MEP1A: variants seen among roughly 807,000 people sequenced by gnomAD.
The protein encoded by MEP1A is meprin A subunit alpha, also known as N-benzoyl-L-tyrosyl-P-amino-benzoic acid hydrolase subunit alpha.
MEP1A carries 68 observed loss-of-function variants against 84.5 expected under a neutral mutation model. The ratio of observed to expected loss-of-function variants is 0.80; its 90% CI spans 0.66 to 0.98. The LOEUF is 0.98. MEP1A is among the 50% of genes least tolerant of loss of function. The pLI is 0.00. For synonymous variants in MEP1A, 337 were observed against 336.8 expected (o/e 1.00, Z -0.01); for missense variants, 887 against 919.9 (o/e 0.96, Z 0.46).
chr6:46,793,612 G>T, intron 2 of MEP1A, 36 bp downstream of exon 2: 1 of 1,573,952 alleles, frequency 6.4e-7, no homozygotes, highest in South Asian at 1.2e-5. Context: ...GAGTGTTTTT[G>T]AACTTTTTTC....
intron 12 of MEP1A, 30 bp from the exon 13 acceptor site, chr6:46,835,219 A>C (rs1291915354): frequency 1.3e-6 from 2 of 1,541,460 alleles, no homozygotes; most frequent in Admixed American, 2.2e-5. Context: ...CTAATCCTGG[A>C]TCTTCCTCAT....
At chr6:46,795,695 C>A (rs142483586) in intron 3 of MEP1A, among the ~76,000 whole-genome samples, 1,874 of 152,292 alleles carry the variant, frequency 0.012, 42 homozygotes, top group African/African-American at 0.042. Flanking sequence ...GGTCCTTTGA[C>A]AGGCCTCATA....
Position 46,826,606 on chromosome 6 carries a change from CT to C in MEP1A, c.928+105del, listed in dbSNP as rs1767954431. The C allele has an allele frequency of 6.8e-6, 7 of 1,035,016 alleles. No individual in the cohort carries two copies. The South Asian group carries it at 2.3e-4, about 34-fold the overall frequency. The allele number at this position is 1,035,016 out of a possible 1,614,324, so 64.1% of individuals were successfully genotyped here. On this transcript the variant is annotated intron_variant, in intron 9 of 13. Coordinates refer to ENST00000230588, the MANE Select transcript of MEP1A (RefSeq NM_005588.3). ...CTCAGTCAGAATGTTAGTTATCAAA[CT>C]TGAAAATCTGAACAAGGACAAAAAA... is the stretch of plus-strand genomic sequence containing the variant.
chr6:46,812,718 G>A (rs1391146206), intron 6 of MEP1A, among the ~76,000 whole-genome samples: 2 of 151,928 alleles, frequency 1.3e-5, no homozygotes, highest in South Asian at 4.2e-4. Flanking sequence ...TGATTTCATT[G>A]TTGACCCAGT....
intron 6 of MEP1A, 28 bp from the exon 7 acceptor site, chr6:46,819,501 G>T (rs1273706050): frequency 6.4e-7 from 1 of 1,555,048 alleles, no homozygotes; most frequent in Non-Finnish European, 8.7e-7. Flanking sequence ...TTCTCTAGAA[G>T]AAATTTTTCC....
At chr6:46,806,589 A>T (rs1018282642) in intron 5 of MEP1A, among the ~76,000 whole-genome samples, 1 of 152,042 alleles carries the variant, frequency 6.6e-6, no homozygotes, top group African/African-American at 2.4e-5. Context: ...CAGGTTGCTC[A>T]GCCTTCCAAT....
In MEP1A at chr6:46,803,828, A is replaced by G. The variant is rs116171648; in HGVS notation, c.262+4647A>G. On this transcript the variant is annotated intron_variant, in intron 5 of 13. Coordinates refer to ENST00000230588, the MANE Select transcript of MEP1A (RefSeq NM_005588.3). Reference sequence around the variant, plus strand: ...AATTTAGTTTATTAATAGATACTTCATAATTTATCTTGTGAATATTTTCAT... The same window carrying G: ...AATTTAGTTTATTAATAGATACTTCGTAATTTATCTTGTGAATATTTTCAT... Among the ~76,000 whole-genome samples, 1,337 of 151,742 alleles carry G rather than the reference A, an allele frequency of 8.8e-3. 21 individuals carry two copies. The highest frequency in any genetic ancestry group is 0.031 in the African/African-American group (1,270 of 41,530).
At chr6:46,799,325 A>T (rs756411794) in intron 5 of MEP1A, 144 bp downstream of exon 5, 40 of 628,868 alleles carry the variant, frequency 6.4e-5, no homozygotes, top group Middle Eastern at 3.9e-4. Flanking sequence ...ATGGGGAGAA[A>T]GACATAACAT....
chr6:46,796,277 C>T (rs946749030), intron 3 of MEP1A, among the ~76,000 whole-genome samples: 2 of 152,180 alleles, frequency 1.3e-5, no homozygotes, highest in African/African-American at 4.8e-5. Flanking sequence ...TGCCCTAAGA[C>T]ATCAAGGCTT....
At chr6:46,833,562 G>C (rs1181573793) in intron 11 of MEP1A, 24 bp downstream of exon 11, 1 of 1,569,228 alleles carries the variant, frequency 6.4e-7, no homozygotes, top group Non-Finnish European at 8.8e-7. Flanking sequence ...GCGCAAATAA[G>C]AACTGCCCCT....
Position 46,826,449 on chromosome 6 carries a change from C to T in MEP1A, c.874C>T (p.Gln292Ter). The T allele has an allele frequency of 3.1e-6, 5 of 1,606,544 alleles. No individual in the cohort carries two copies. The South Asian group carries it at 5.6e-5, about 18-fold the overall frequency. The change falls in exon 9 of 14, where the codon CAG becomes TAG. Residue 292 changes from glutamine to a stop codon, truncating the protein, a stop_gained. Transcript: ENST00000230588. LOFTEE classifies it high-confidence loss of function. ...GTRDDTDWAHQDSAQAGEVDH... is the reference protein window; with the variant it reads ...GTRDDTDWAH ...CAGAGATGACACTGACTGGGCCCAT[C>T]AGGACAGTGCTCAGGCTGGAGAAGT...
intron 6 of MEP1A, among the ~76,000 whole-genome samples, chr6:46,815,146 A>T (rs1384881075): frequency 6.6e-6 from 1 of 152,164 alleles, no homozygotes. Flanking sequence ...AAGGCCATAG[A>T]GCTCTCAAGA....
chr6:46,829,375 G>T lies in MEP1A; in HGVS notation c.948G>T (p.Gln316His), dbSNP rs200851602. The T allele has an allele frequency of 1.2e-6, 2 of 1,613,588 alleles. No homozygotes were observed. The highest frequency in any genetic ancestry group is 1.7e-5 in the Admixed American group (1 of 60,024). Residue 316 changes from glutamine (Q) to histidine (H), a missense_variant, in exon 10 of 14, where the codon CAG becomes CAT. By Grantham distance (24) the Gln-to-His change is conservative (BLOSUM62 0). Coordinates refer to ENST00000230588, the MANE Select transcript of MEP1A (RefSeq NM_005588.3). ...GQCTGAGYFMQFSTSSGSAEE... is the reference protein window; with the variant it reads ...GQCTGAGYFMHFSTSSGSAEE... Reference sequence around the variant, plus strand: ...CCATAGGTGCCGGCTACTTCATGCAGTTCAGCACCAGCTCGGGGTCCGCGG... The same window carrying T: ...CCATAGGTGCCGGCTACTTCATGCATTTCAGCACCAGCTCGGGGTCCGCGG...
intron 3 of MEP1A, among the ~76,000 whole-genome samples, chr6:46,796,073 T>C (rs1441464714): frequency 1.3e-5 from 2 of 152,154 alleles, no homozygotes; most frequent in Non-Finnish European, 2.9e-5. Context: ...ACTGCACAGC[T>C]ACTCCTCTAA....
chr6:46,844,379 A>G (rs1768380900), downstream of MEP1A, among the ~76,000 whole-genome samples: 1 of 151,964 alleles, frequency 6.6e-6, no homozygotes. Context: ...GCTAACAGTG[A>G]TATCAGAGTA....
Position 46,799,156 on chromosome 6 carries a change from T to C in MEP1A, c.237T>C (p.Ile79=). 1.2e-6 allele frequency: 2 copies of C among 1,612,096 alleles called. No individual in the cohort carries two copies. The highest frequency in any genetic ancestry group is 1.7e-6 in the Non-Finnish European group (2 of 1,178,126). ...CAAACACCAGGTGGACGTTCCCCAT[T>C]CCTTACATCTTGGCTGATAATTTGG... ...RDPNTRWTFP[I]PYILADNLGL... Residue 79 remains isoleucine (I), a synonymous_variant, in exon 5 of 14, where the codon ATT becomes ATC. Coordinates refer to ENST00000230588, the MANE Select transcript of MEP1A (RefSeq NM_005588.3).
At chr6:46,798,925 T>G (rs1040453861) in intron 4 of MEP1A, among the ~76,000 whole-genome samples, 181 bp from the exon 5 acceptor site, 10 of 152,256 alleles carry the variant, frequency 6.6e-5, no homozygotes, top group African/African-American at 2.2e-4. Flanking sequence ...TAATAATTTC[T>G]CTGATTTTTC....
chr6:46,825,006 G>A (rs9472879), intron 7 of MEP1A, among the ~76,000 whole-genome samples: 17,631 of 39,390 alleles, frequency 0.45, 5,458 homozygotes, highest in African/African-American at 0.67. Context: ...ATCTATTTAA[G>A]TATATATAAA....
At chr6:46,795,098 A>G (rs1171675272) in intron 3 of MEP1A, among the ~76,000 whole-genome samples, 1 of 152,116 alleles carries the variant, frequency 6.6e-6, no homozygotes. Flanking sequence ...TTGCCTCACA[A>G]GGCTGAGTAA....
Sources: allele counts gnomAD v4.1 joint callset (sites outside exome capture counted in the v4.1 genomes callset), GRCh38; gene constraint gnomAD v4.1.1; transcripts MANE v1.5; gene names NCBI Gene and HGNC (gene_info 2026-07-23, HGNC 2026-07-21).